Variants in VPS39 observed in about 807,000 individuals in gnomAD.
VPS39 encodes VPS39 subunit of HOPS complex, also known as vam6/Vps39-like protein.
Under a neutral mutation model 121.0 loss-of-function variants are expected in VPS39, and 70 were observed. The ratio of observed to expected loss-of-function variants is 0.58; its 90% confidence interval spans 0.48 to 0.71. The LOEUF (loss-of-function observed/expected upper bound fraction) is 0.71. Among genes scored for constraint, VPS39 ranks in the 30% least tolerant of loss-of-function variants. The probability of loss-of-function intolerance (pLI) is 0.00; values close to 1 mark genes in which losing one functional copy is unlikely to be tolerated. For synonymous variants in VPS39, 378 were observed against 398.1 expected, an observed-to-expected ratio of 0.95 and a Z score of 0.60; for missense variants, 818 against 1,051.5, an observed-to-expected ratio of 0.78 and a Z score of 3.07.
chr15:42,185,136 T>C (rs1233821800), intron 7 of VPS39, among the ~76,000 whole-genome samples: 1 of 152,110 alleles, frequency 6.6e-6, no homozygotes. Context: ...TGTATGCAAA[T>C]GTCTTAGATG....
intron 16 of VPS39, 74 bp downstream of exon 16, chr15:42,166,085 C>T: frequency 1.4e-6 from 2 of 1,416,338 alleles, no homozygotes. Flanking sequence ...ACCCTCCTCT[C>T]CATCCACTGC....
intron 11 of VPS39, among the ~76,000 whole-genome samples, chr15:42,172,917 C>T (rs1424938312): frequency 3.9e-5 from 6 of 152,264 alleles, no homozygotes; most frequent in Admixed American, 2.6e-4. Flanking sequence ...GGAATTACCA[C>T]AGTTCATTAC....
At chr15:42,162,235 C>CCGTGGAGCT in intron 22 of VPS39, 69 bp from the exon 23 acceptor site, 2 of 1,607,132 alleles carry the variant, frequency 1.2e-6, no homozygotes, top group Admixed American at 3.4e-5. Flanking sequence ...ATGTCTGCAG[C>CCGTGGAGCT]CGTGGAGCTC....
In VPS39 at chr15:42,173,837, A is replaced by C; in HGVS notation, c.976T>G (p.Ser326Ala). The C allele has an allele frequency of 6.2e-7, 1 of 1,614,180 alleles. No homozygotes were observed. Among genetic ancestry groups the C allele is most frequent in the Non-Finnish European group, 8.5e-7 (1 of 1,180,010 alleles). Reference protein sequence around the residue: ...ALQLAEMKDDSDSEKQQQIHH... With the variant: ...ALQLAEMKDDADSEKQQQIHH... ...ATTTGTTGCTGCTTTTCACTGTCAGAATCATCTTTCATTTCCTAATAACGG... is the reference window on the plus strand; with the variant it reads ...ATTTGTTGCTGCTTTTCACTGTCAGCATCATCTTTCATTTCCTAATAACGG... The change falls in exon 11 of 25, where the codon TCT (serine) becomes GCT (alanine). Residue 326 changes from serine (S) to alanine (A), a missense_variant. Ser to Ala is a moderately conservative substitution (Grantham distance 99). Transcript: ENST00000318006.
rs912510448 is a variant in VPS39 at position 42,159,347 on chromosome 15, CT to C, written c.*1406del. On this transcript the variant is annotated 3_prime_UTR_variant, in exon 25 of 25. Transcript: ENST00000318006. ...GGACAGGCCACTAAAACTGTTGGTG[CT>C]GGGCACCATCACCCACCCTCACCAC... 1 of 152,316 alleles carries C rather than the reference CT, an allele frequency of 6.6e-6. No individual in the cohort carries two copies. The highest frequency in any genetic ancestry group is 1.5e-5 in the Non-Finnish European group (1 of 68,134). The allele number at this position is 152,316 out of a possible 1,614,324, so 9.4% of individuals were successfully genotyped here.
At chr15:42,181,277 A>G (rs2049575408) in intron 8 of VPS39, among the ~76,000 whole-genome samples, 1 of 152,214 alleles carries the variant, frequency 6.6e-6, no homozygotes, top group Non-Finnish European at 1.5e-5. Context: ...TGAGGACATT[A>G]TGCTAAATTA....
At chr15:42,161,592 T>C (rs779427942) in intron 24 of VPS39, 90 bp downstream of exon 24, 3 of 1,314,530 alleles carry the variant, frequency 2.3e-6, no homozygotes, top group Non-Finnish European at 3.3e-6. Context: ...TCTCCTTCTC[T>C]GTTAAAGGGC....
In VPS39 at chr15:42,161,759, C is replaced by G; in HGVS notation, c.2475G>C (p.Arg825=). The G allele has an allele frequency of 6.2e-7, 1 of 1,614,128 alleles. No individual in the cohort carries two copies. The highest frequency in any genetic ancestry group is 8.5e-7 in the Non-Finnish European group (1 of 1,180,034). ...HAEFLRVQEE[R]ILHQQVKCII... is the part of the protein sequence containing the mutation. Reference sequence around the variant, plus strand: ...TGCACTTCACCTGCTGGTGTAAAATCCGCTCTTCCTGGACCTGGAAGAACA... The same window carrying G: ...TGCACTTCACCTGCTGGTGTAAAATGCGCTCTTCCTGGACCTGGAAGAACA... Residue 825 remains arginine, a synonymous_variant, in exon 24 of 25, where the codon CGG becomes CGC. Transcript: ENST00000318006.
Position 42,177,523 on chromosome 15 carries a change from A to G in VPS39, c.960+695T>C, listed in dbSNP as rs1030363626. On this transcript the variant is annotated intron_variant, in intron 10 of 24. Transcript: ENST00000318006. The stretch of plus-strand genomic sequence containing the variant: ...TCCAAACATAGGAGTCTACTGTGGA[A>G]AGGAATTTTGAGGGGTCCTCTAGTT... 3.3e-5 allele frequency among the ~76,000 whole-genome samples: 5 copies of G among 152,206 alleles called. No homozygotes were observed. In the East Asian group the frequency reaches 9.6e-4, roughly 29 times the overall value.
At chr15:42,199,762 C>T in intron 2 of VPS39, 134 bp downstream of exon 2, 1 of 916,972 alleles carries the variant, frequency 1.1e-6, no homozygotes, top group Non-Finnish European at 1.6e-6. Flanking sequence ...ATTCTCAAGT[C>T]TTCTCCCCAT....
At chr15:42,162,869 C>A (rs1158647613) in intron 21 of VPS39, among the ~76,000 whole-genome samples, 1 of 152,188 alleles carries the variant, frequency 6.6e-6, no homozygotes, top group East Asian at 1.9e-4. Context: ...GTACCACAGG[C>A]TTTCGCAACC....
At chr15:42,191,616 C>G in intron 2 of VPS39, 56 bp from the exon 3 acceptor site, 1 of 1,493,022 alleles carries the variant, frequency 6.7e-7, no homozygotes, top group Non-Finnish European at 9.3e-7. Context: ...ATAGAAAAAC[C>G]ACTACTAGAA....
chr15:42,183,112 T>C (rs2049619576), intron 8 of VPS39, among the ~76,000 whole-genome samples: 1 of 151,982 alleles, frequency 6.6e-6, no homozygotes. Flanking sequence ...TTTTGTTTTT[T>C]TTTTTGAGGC....
intron 5 of VPS39, 142 bp downstream of exon 5, chr15:42,188,972 A>AAAAT (rs1045201373): frequency 6.3e-5 from 40 of 634,534 alleles, no homozygotes; most frequent in Non-Finnish European, 9.9e-5. Flanking sequence ...TCTCAGGAAA[A>AAAAT]AAATAAATAA....
chr15:42,167,334 A>T, intron 13 of VPS39, 60 bp downstream of exon 13: 2 of 1,591,938 alleles, frequency 1.3e-6, no homozygotes, highest in Admixed American at 1.7e-5. Context: ...ACTCCCTTTT[A>T]CTTTCCCAGA....
intron 2 of VPS39, among the ~76,000 whole-genome samples, chr15:42,197,498 A>G (rs1043963001): frequency 6.6e-6 from 1 of 152,100 alleles, no homozygotes; most frequent in African/African-American, 2.4e-5. Context: ...GGCTGCAGTG[A>G]GCCAAGATAG....
intron 10 of VPS39, 78 bp from the exon 11 acceptor site, chr15:42,173,930 T>C (rs2049395770): frequency 3.9e-6 from 6 of 1,541,212 alleles, no homozygotes; most frequent in East Asian, 2.3e-5. Context: ...TTAGAGAAGA[T>C]GCTAGGAGCT....
Position 42,176,558 on chromosome 15 carries a change from T to A in VPS39, c.960+1660A>T, listed in dbSNP as rs559556346. 3.3e-5 allele frequency among the ~76,000 whole-genome samples: 5 copies of A among 151,848 alleles called. No individual in the cohort carries two copies. The South Asian group carries it at 1.0e-3, about 32-fold the overall frequency. ...TCATGGGTATTCACTGTATTATTTTTAAAAATGAAAATAAAATAATATAGG... is the reference window on the plus strand; with the variant it reads ...TCATGGGTATTCACTGTATTATTTTAAAAAATGAAAATAAAATAATATAGG... On this transcript the variant is annotated intron_variant, in intron 10 of 24. Transcript: ENST00000318006.
In VPS39 at chr15:42,169,707, C is replaced by T. The variant is rs746556652; in HGVS notation, c.1233+17G>A. 6.2e-7 allele frequency: 1 copy of T among 1,603,026 alleles called. No individual in the cohort carries two copies. Among genetic ancestry groups the T allele is most frequent in the East Asian group, 2.2e-5 (1 of 44,678 alleles). On this transcript the variant is annotated intron_variant, in intron 12 of 24. Coordinates refer to ENST00000318006, the MANE Select transcript of VPS39 (RefSeq NM_015289.5). ...ACTCCCAGGCAAACTCTTTCACGCACTCTGTACTATACCTACCTGTGTCAG... is the reference window on the plus strand; with the variant it reads ...ACTCCCAGGCAAACTCTTTCACGCATTCTGTACTATACCTACCTGTGTCAG...
Sources: allele counts gnomAD v4.1 joint callset (sites outside exome capture counted in the v4.1 genomes callset), GRCh38; gene constraint gnomAD v4.1.1; transcripts MANE v1.5; gene names NCBI Gene and HGNC (gene_info 2026-07-23, HGNC 2026-07-21).